The following NEDD4L variants were observed in gnomAD, a reference collection of about 807,000 sequenced individuals.
NEDD4L encodes E3 ubiquitin-protein ligase NEDD4-like.
NEDD4L carries 54 observed loss-of-function variants against 148.9 expected under a neutral mutation model. The ratio of observed to expected loss-of-function variants is 0.36; its 90% CI spans 0.29 to 0.45. NEDD4L has a LOEUF of 0.45. Ranked by LOEUF, NEDD4L falls within the 20% of genes least tolerant of loss-of-function variation. The pLI, the probability that NEDD4L is intolerant of heterozygous loss-of-function variation, is 1.00. For missense variants in NEDD4L, 856 were observed against 1,233.8 expected (o/e 0.69, Z 4.59); for synonymous variants, 433 against 440.7 (o/e 0.98, Z 0.22).
intron 5 of NEDD4L, among the ~76,000 whole-genome samples, chr18:58,262,944 A>G (rs576187119): frequency 6.6e-6 from 1 of 152,318 alleles, no homozygotes; most frequent in Admixed American, 6.5e-5. Context: ...GATGGAATCA[A>G]TTGTATTTCA....
At chr18:58,068,488 C>T (rs1175198639) in intron 1 of NEDD4L, among the ~76,000 whole-genome samples, 4 of 151,958 alleles carry the variant, frequency 2.6e-5, no homozygotes, top group Non-Finnish European at 4.4e-5. Flanking sequence ...CATGAGCCAC[C>T]GCTCACAGCC....
intron 9 of NEDD4L, among the ~76,000 whole-genome samples, chr18:58,326,408 GT>G (rs1048513194): frequency 2.0e-5 from 3 of 152,136 alleles, no homozygotes; most frequent in Admixed American, 6.5e-5. Context: ...TTTTGTTAAA[GT>G]TTTTTCCCAT....
At chr18:58,301,522 C>T (rs2056456933) in intron 5 of NEDD4L, among the ~76,000 whole-genome samples, 2 of 152,142 alleles carry the variant, frequency 1.3e-5, no homozygotes, top group Non-Finnish European at 2.9e-5. Flanking sequence ...GTCTTTCAGA[C>T]CTTATGCTAG....
At chr18:58,350,477 TA>T (rs2043737254) in intron 17 of NEDD4L, among the ~76,000 whole-genome samples, 1 of 152,220 alleles carries the variant, frequency 6.6e-6, no homozygotes, top group Non-Finnish European at 1.5e-5. Flanking sequence ...ATAGTTCAGA[TA>T]ATGAGGGCAT....
At chr18:58,060,685 A>G (rs146049081) in intron 1 of NEDD4L, among the ~76,000 whole-genome samples, 42 of 152,294 alleles carry the variant, frequency 2.8e-4, no homozygotes, top group African/African-American at 9.6e-4. Context: ...TCTCTATTAA[A>G]TACTTAGTAC....
chr18:58,161,281 T>G (rs1396681505), intron 1 of NEDD4L, among the ~76,000 whole-genome samples: 1 of 152,220 alleles, frequency 6.6e-6, no homozygotes, highest in East Asian at 1.9e-4. Context: ...TCCACCCATC[T>G]TGGCCTCCCA....
At chr18:58,112,336 A>C (rs17693701) in intron 1 of NEDD4L, among the ~76,000 whole-genome samples, 12,682 of 151,578 alleles carry the variant, frequency 0.084, 611 homozygotes, top group Non-Finnish European at 0.11. Context: ...TAATTGAGGA[A>C]CTTAGGTGGT....
At chr18:58,239,294 T>C (rs910847174) in intron 2 of NEDD4L, among the ~76,000 whole-genome samples, 2 of 152,360 alleles carry the variant, frequency 1.3e-5, no homozygotes, top group East Asian at 3.9e-4. Context: ...AAAAAGTTAT[T>C]GCTTCCTTTG....
At chr18:58,095,690 T>C (rs1241091103) in intron 1 of NEDD4L, among the ~76,000 whole-genome samples, 7 of 152,236 alleles carry the variant, frequency 4.6e-5, no homozygotes, top group Admixed American at 1.3e-4. Flanking sequence ...AGCCCTGTAA[T>C]CATTTCCATA....
chr18:58,321,272 A>T (rs1303812309), intron 6 of NEDD4L, among the ~76,000 whole-genome samples: 1 of 152,240 alleles, frequency 6.6e-6, no homozygotes, highest in Non-Finnish European at 1.5e-5. Flanking sequence ...TGATGGTGGG[A>T]ACTCTAAAGG....
intron 2 of NEDD4L, among the ~76,000 whole-genome samples, chr18:58,177,078 C>T (rs1298884290): frequency 6.6e-6 from 1 of 151,830 alleles, no homozygotes; most frequent in Non-Finnish European, 1.5e-5. Flanking sequence ...CCCTGCCTGA[C>T]ATTGTGTCCT....
intron 2 of NEDD4L, among the ~76,000 whole-genome samples, chr18:58,188,529 C>T (rs1199722226): frequency 6.6e-6 from 1 of 152,228 alleles, no homozygotes; most frequent in African/African-American, 2.4e-5. Flanking sequence ...CAGGACTAGC[C>T]TTGGGGCTCC....
chr18:58,274,012 A>ATG (rs2051474954), intron 5 of NEDD4L, among the ~76,000 whole-genome samples: 1 of 152,146 alleles, frequency 6.6e-6, no homozygotes, highest in Non-Finnish European at 1.5e-5. Context: ...GGCCCTTTCT[A>ATG]CACGTAGCCT....
intron 2 of NEDD4L, among the ~76,000 whole-genome samples, chr18:58,180,909 C>T (rs879724587): frequency 4.3e-4 from 65 of 152,156 alleles, no homozygotes; most frequent in Admixed American, 2.6e-3. Flanking sequence ...TCTGGTCTAT[C>T]GAGGTGTATT....
intron 1 of NEDD4L, among the ~76,000 whole-genome samples, chr18:58,097,551 G>A (rs1269237547): frequency 6.6e-6 from 1 of 152,150 alleles, no homozygotes; most frequent in African/African-American, 2.4e-5. Context: ...CCTTTATCTG[G>A]AGTGAGTCAG....
chr18:58,386,407 G>T (rs2049030656), intron 26 of NEDD4L, among the ~76,000 whole-genome samples: 1 of 152,054 alleles, frequency 6.6e-6, no homozygotes, highest in Non-Finnish European at 1.5e-5. Flanking sequence ...TTCATTGCAG[G>T]TTCTCTTCTA....
At chr18:58,226,136 G>A (rs2044324966) in intron 2 of NEDD4L, among the ~76,000 whole-genome samples, 1 of 151,964 alleles carries the variant, frequency 6.6e-6, no homozygotes, top group African/African-American at 2.4e-5. Flanking sequence ...ATATTTCCTG[G>A]AAAAAAATAT....
At chr18:58,238,312 C>A (rs1600105077) in intron 2 of NEDD4L, among the ~76,000 whole-genome samples, 1 of 152,104 alleles carries the variant, frequency 6.6e-6, no homozygotes, top group East Asian at 1.9e-4. Flanking sequence ...ATTTGAAGCC[C>A]TTTAGGGTTT....
Position 58,315,973 on chromosome 18 carries a change from T to C in NEDD4L, c.298-9T>C. On this transcript the variant is annotated splice_polypyrimidine_tract_variant and intron_variant, in intron 5 of 30. Coordinates refer to ENST00000400345, the MANE Select transcript of NEDD4L (RefSeq NM_001144967.3). ...TGGAAACACTAACTCTTTGTTCTCT[T>C]CCTAACAGACACGAGACGACTTCCT... 6.2e-7 allele frequency: 1 copy of C among 1,611,174 alleles called. No individual in the cohort carries two copies. The highest frequency in any genetic ancestry group is 1.7e-5 in the Admixed American group (1 of 60,026).
Sources: gnomAD v4.1 joint callset for allele counts (sites outside exome capture counted in the v4.1 genomes callset) on GRCh38, gnomAD v4.1.1 for gene constraint, MANE v1.5 for transcripts, NCBI Gene and HGNC (gene_info 2026-07-23, HGNC 2026-07-21) for gene names.